Variants in TTC7A observed in about 807,000 individuals in gnomAD.
TTC7A encodes tetratricopeptide repeat protein 7A.
A neutral mutation model predicts 103.7 loss-of-function variants in TTC7A; 110 were observed. That is an observed-to-expected ratio of 1.06 (90% CI 0.91 to 1.24). The LOEUF (loss-of-function observed/expected upper bound fraction) is 1.24. TTC7A is among the 50% of genes most tolerant of loss of function. The pLI is 0.00. For missense variants in TTC7A, 1,340 were observed against 1,116.3 expected (o/e 1.20, Z -2.86); for synonymous variants, 521 against 467.9 (o/e 1.11, Z -1.47).
chr2:46,954,369 C>G (rs1020376312), intron 2 of TTC7A, among the ~76,000 whole-genome samples: 1 of 152,086 alleles, frequency 6.6e-6, no homozygotes, highest in Non-Finnish European at 1.5e-5. Flanking sequence ...GACTGTTGTA[C>G]TGATAGACCA....
At chr2:47,046,487 TC>T in intron 16 of TTC7A, 56 bp downstream of exon 16, 2 of 1,421,342 alleles carry the variant, frequency 1.4e-6, no homozygotes, top group Non-Finnish European at 2.0e-6. Flanking sequence ...AGGGCAACAA[TC>T]CACAGCTGGG....
intron 5 of TTC7A, among the ~76,000 whole-genome samples, chr2:46,992,193 T>A (rs1359091758): frequency 6.6e-6 from 1 of 152,224 alleles, no homozygotes; most frequent in African/African-American, 2.4e-5. Flanking sequence ...AGGGCAGCCC[T>A]TACACTTTCC....
At chr2:47,036,714 C>G (rs1206684896) in intron 15 of TTC7A, among the ~76,000 whole-genome samples, 1 of 152,292 alleles carries the variant, frequency 6.6e-6, no homozygotes, top group Non-Finnish European at 1.5e-5. Context: ...AAAAGTTAAC[C>G]AGGCGTGGTG....
intron 13 of TTC7A, 149 bp from the exon 14 acceptor site, chr2:47,024,138 C>A: frequency 1.6e-6 from 1 of 625,240 alleles, no homozygotes; most frequent in South Asian, 2.8e-5. Context: ...CATCTGCCAG[C>A]TGGATGCCCC....
Position 46,950,513 on chromosome 2 carries a change from A to G in TTC7A, c.335A>G (p.His112Arg), listed in dbSNP as rs1671312601. 1.9e-6 allele frequency: 3 copies of G among 1,614,064 alleles called. No individual in the cohort carries two copies. In the Admixed American group the frequency reaches 5.0e-5, roughly 27 times the overall value. The change falls in exon 2 of 20, where the codon CAT becomes CGT. Residue 112 changes from histidine (H) to arginine (R), a missense_variant. His to Arg is a conservative substitution (Grantham distance 29). Coordinates refer to ENST00000319190, the MANE Select transcript of TTC7A (RefSeq NM_020458.4). ...AATTATCTAAGCAGTATCCTTAACC[A>G]TGGGAGGCTCTCGGTAAGTCGTCAG... ...AKNYLSSILN[H>R]GRLSPQYMCE...
At chr2:47,019,929 A>G (rs1274659416) in intron 11 of TTC7A, among the ~76,000 whole-genome samples, 1 of 152,210 alleles carries the variant, frequency 6.6e-6, no homozygotes, top group Non-Finnish European at 1.5e-5. Flanking sequence ...CTATTTGCTT[A>G]CTTTCCCCTC....
At chr2:46,966,701 G>A (rs1218605565) in intron 3 of TTC7A, among the ~76,000 whole-genome samples, 2 of 148,378 alleles carry the variant, frequency 1.3e-5, no homozygotes, top group Non-Finnish European at 3.0e-5. Context: ...TATGTTGCAA[G>A]GGCTGGTCCT....
intron 2 of TTC7A, chr2:46,951,699 C>T: frequency 2.2e-6 from 1 of 454,764 alleles, no homozygotes; most frequent in South Asian, 1.6e-5. Context: ...GAGTGAGGCA[C>T]TGCGCCCAGC....
At chr2:47,073,226 G>T (rs938436642) in intron 19 of TTC7A, among the ~76,000 whole-genome samples, 2 of 152,224 alleles carry the variant, frequency 1.3e-5, no homozygotes, top group Non-Finnish European at 2.9e-5. Context: ...TGGGCAGCAG[G>T]AAGGACTGAG....
At chr2:47,019,989 C>A (rs1679099255) in intron 11 of TTC7A, among the ~76,000 whole-genome samples, 1 of 152,172 alleles carries the variant, frequency 6.6e-6, no homozygotes, top group Non-Finnish European at 1.5e-5. Flanking sequence ...TAACCACAGC[C>A]ACCTGATAAG....
chr2:47,006,737 G>T lies in TTC7A; in HGVS notation c.1287+13G>T. Reference sequence around the variant, plus strand: ...GGCTTGTGGGAAGGTAAGGCCCAGGGGGCGCTAGGGGTTGCACACTCACCC... The same window carrying T: ...GGCTTGTGGGAAGGTAAGGCCCAGGTGGCGCTAGGGGTTGCACACTCACCC... On this transcript the variant is annotated intron_variant, in intron 10 of 19. Coordinates refer to ENST00000319190, the MANE Select transcript of TTC7A (RefSeq NM_020458.4). 1 of 1,603,892 alleles carries T rather than the reference G, an allele frequency of 6.2e-7. No homozygotes were observed.
intron 14 of TTC7A, among the ~76,000 whole-genome samples, chr2:47,027,251 A>T (rs1302454122): frequency 6.6e-6 from 1 of 152,186 alleles, no homozygotes; most frequent in African/African-American, 2.4e-5. Context: ...ATCAGGGATG[A>T]GGAGGAGAAG....
intron 4 of TTC7A, among the ~76,000 whole-genome samples, chr2:46,975,680 G>A (rs1289215467): frequency 2.0e-5 from 3 of 151,180 alleles, no homozygotes; most frequent in Non-Finnish European, 4.4e-5. Flanking sequence ...GGGAGGCTCT[G>A]GTTTATTTTT....
At position 47,024,277 on chromosome 2, in the gene TTC7A, C is replaced by T. The variant is rs766655009; in HGVS notation, c.1569-10C>T. 3.1e-6 allele frequency: 5 copies of T among 1,591,918 alleles called. No homozygotes were observed. The highest frequency in any genetic ancestry group is 4.3e-6 in the Non-Finnish European group (5 of 1,168,602). On this transcript the variant is annotated splice_polypyrimidine_tract_variant and intron_variant, in intron 13 of 19. Transcript: ENST00000319190. ...TGGTGCCTGACTTGTCACTCCCTCT[C>T]CCCACACAGGGCTCAGCAGCTGGCG...
At chr2:46,972,037 TC>T (rs1366873371) in intron 3 of TTC7A, among the ~76,000 whole-genome samples, 1 of 152,010 alleles carries the variant, frequency 6.6e-6, no homozygotes, top group Non-Finnish European at 1.5e-5. Flanking sequence ...TTAATGGCAC[TC>T]ATACACTGGA....
intron 15 of TTC7A, among the ~76,000 whole-genome samples, chr2:47,043,329 T>A (rs1681966381): frequency 6.6e-6 from 1 of 152,136 alleles, no homozygotes; most frequent in South Asian, 2.1e-4. Context: ...GAGGGGGTTG[T>A]GCACAGCCCC....
At chr2:47,016,566 A>C (rs962049207) in intron 11 of TTC7A, among the ~76,000 whole-genome samples, 2 of 152,240 alleles carry the variant, frequency 1.3e-5, no homozygotes, top group African/African-American at 4.8e-5. Flanking sequence ...CCCTAGATAA[A>C]CAAGGCATTC....
chr2:46,917,499 G>C (rs1158807699), intron 2 of TTC7A, among the ~76,000 whole-genome samples: 2 of 152,060 alleles, frequency 1.3e-5, no homozygotes, highest in African/African-American at 4.8e-5. Context: ...TATGTACTAG[G>C]CGCTCTACTA....
chr2:46,983,785 T>C (rs1437063458), intron 5 of TTC7A, among the ~76,000 whole-genome samples: 2 of 152,238 alleles, frequency 1.3e-5, no homozygotes, highest in Admixed American at 6.5e-5. Flanking sequence ...TAAAATTTGC[T>C]GTCTTTATTT....
Sources: gnomAD v4.1 joint callset for allele counts (sites outside exome capture counted in the v4.1 genomes callset) on GRCh38, gnomAD v4.1.1 for gene constraint, MANE v1.5 for transcripts, NCBI Gene and HGNC (gene_info 2026-07-23, HGNC 2026-07-21) for gene names.